PPFIBP2: variants seen among roughly 807,000 people sequenced by gnomAD.
PPFIBP2 encodes the protein PPFIB scaffold protein 2.
Under a neutral mutation model 118.3 loss-of-function variants are expected in PPFIBP2, and 118 were observed. The ratio of observed to expected loss-of-function variants is 1.00; its 90% CI spans 0.86 to 1.16. The LOEUF is 1.16. Among genes scored for constraint, PPFIBP2 ranks in the 50% most tolerant of loss-of-function variants. The pLI, the probability that PPFIBP2 is intolerant of heterozygous loss-of-function variation, is 0.00. For missense variants in PPFIBP2, 1,195 were observed against 1,073.1 expected, an observed-to-expected ratio of 1.11 and a Z score of -1.59; for synonymous variants, 414 against 397.4, an observed-to-expected ratio of 1.04 and a Z score of -0.50.
intron 1 of PPFIBP2, chr11:7,548,550 T>C (rs569631103): frequency 6.6e-6 from 1 of 152,330 alleles, no homozygotes; most frequent in African/African-American, 2.4e-5. Flanking sequence ...CCCTCCTTGC[T>C]ACCCAGGGAG....
intron 1 of PPFIBP2, among the ~76,000 whole-genome samples, chr11:7,542,011 G>A (rs1327581288): frequency 6.6e-6 from 1 of 152,158 alleles, no homozygotes; most frequent in Non-Finnish European, 1.5e-5. Flanking sequence ...CTCTTGCCGG[G>A]TTTCCTGTGT....
intron 4 of PPFIBP2, among the ~76,000 whole-genome samples, chr11:7,596,626 A>G (rs1860365955): frequency 6.6e-6 from 1 of 152,200 alleles, no homozygotes; most frequent in African/African-American, 2.4e-5. Flanking sequence ...CTATTATTCC[A>G]TTTCAGACTG....
At chr11:7,571,668 G>A (rs1268387147) in intron 3 of PPFIBP2, 1 of 152,200 alleles carries the variant, frequency 6.6e-6, no homozygotes, top group Non-Finnish European at 1.5e-5. Flanking sequence ...GCCTGTGTGA[G>A]CCGATTTCCA....
At chr11:7,666,571 A>G in the PPFIBP2 span, 27 of 1,575,826 alleles carry the variant, frequency 1.7e-5, no homozygotes, top group Non-Finnish European at 3.5e-6. Context: ...AGCAACACTG[A>G]AAAAGCCCCT....
At position 7,633,032 on chromosome 11, in the gene PPFIBP2, C is replaced by T. The variant is rs370174131; in HGVS notation, c.1136+98C>T. On this transcript the variant is annotated intron_variant, in intron 12 of 23. Coordinates refer to ENST00000299492, the MANE Select transcript of PPFIBP2 (RefSeq NM_003621.5). ...GATGACCGTGAATGGTGAGCATGGC[C>T]ACTGAGTCCTAGGTGCACCTGCCCC... is the stretch of plus-strand genomic sequence containing the variant. The T allele has an allele frequency of 1.3e-5, 14 of 1,105,636 alleles. No homozygotes were observed. The South Asian group carries it at 1.7e-4, about 14-fold the overall frequency. 68.5% of individuals were successfully genotyped at this position (1,105,636 alleles called of 1,614,324 possible).
intron 17 of PPFIBP2, among the ~76,000 whole-genome samples, chr11:7,646,120 GATGA>G (rs1349847042): frequency 6.6e-6 from 1 of 152,216 alleles, no homozygotes; most frequent in African/African-American, 2.4e-5. Flanking sequence ...GTTCATATAA[GATGA>G]ATGATATGAA....
intron 5 of PPFIBP2, chr11:7,605,915 G>A (rs1847282769): frequency 6.6e-7 from 1 of 1,521,438 alleles, no homozygotes; most frequent in South Asian, 1.2e-5. Flanking sequence ...AGCAAAGCCT[G>A]TTGGAGCTGA....
At chr11:7,635,113 G>A (rs1851284034) in intron 13 of PPFIBP2, among the ~76,000 whole-genome samples, 2 of 152,128 alleles carry the variant, frequency 1.3e-5, no homozygotes, top group Non-Finnish European at 2.9e-5. Context: ...ACCTCATGCT[G>A]CAGGGGACAG....
intron 1 of PPFIBP2, among the ~76,000 whole-genome samples, chr11:7,546,486 G>A (rs560046123): frequency 1.5e-4 from 23 of 152,246 alleles, no homozygotes; most frequent in East Asian, 1.4e-3. Context: ...CTTCTGTTGC[G>A]GGGGCACATA....
At chr11:7,666,991 T>C in the PPFIBP2 span, 1 of 153,588 alleles carries the variant, frequency 6.5e-6, no homozygotes, top group Admixed American at 6.5e-5. Flanking sequence ...CAGCACTGGA[T>C]ATGTGAAGGA....
chr11:7,619,942 G>A (rs10769811), intron 6 of PPFIBP2, among the ~76,000 whole-genome samples: 133,932 of 152,198 alleles, frequency 0.88, 59,324 homozygotes, highest in Non-Finnish European at 0.94. Flanking sequence ...GCCTATGGAA[G>A]TAATTATCTT....
chr11:7,549,914 C>T (rs78867384), intron 2 of PPFIBP2, among the ~76,000 whole-genome samples: 4,978 of 152,236 alleles, frequency 0.033, 225 homozygotes, highest in Admixed American at 0.11. Context: ...ACTTTGCCAC[C>T]TAATGCAGGT....
At chr11:7,524,793 C>T (rs149055026) in intron 1 of PPFIBP2, among the ~76,000 whole-genome samples, 4 of 152,040 alleles carry the variant, frequency 2.6e-5, no homozygotes, top group East Asian at 1.9e-4. Context: ...GGGTGGAGAT[C>T]GATTTGGGAT....
chr11:7,602,084 A>G (rs1049011521), intron 5 of PPFIBP2, among the ~76,000 whole-genome samples: 1 of 134,698 alleles, frequency 7.4e-6, no homozygotes, highest in Non-Finnish European at 1.6e-5. Context: ...CAAGAATGAA[A>G]CTCAAAAAAA....
intron 3 of PPFIBP2, among the ~76,000 whole-genome samples, chr11:7,572,204 GC>G (rs893017980): frequency 6.6e-6 from 1 of 152,012 alleles, no homozygotes; most frequent in African/African-American, 2.4e-5. Flanking sequence ...TAGTAGGTTG[GC>G]CCCTTCCATT....
chr11:7,534,261 C>T (rs1313114816), intron 1 of PPFIBP2, among the ~76,000 whole-genome samples: 1 of 152,112 alleles, frequency 6.6e-6, no homozygotes, highest in East Asian at 1.9e-4. Context: ...TTTGTGTTAG[C>T]CTGTTACTAT....
chr11:7,625,845 G>A lies in PPFIBP2; in HGVS notation c.780G>A (p.Gln260=). 6.2e-7 allele frequency: 1 copy of A among 1,614,236 alleles called. No homozygotes were observed. Among genetic ancestry groups the A allele is most frequent in the South Asian group, 1.1e-5 (1 of 91,082 alleles). ...KDAEIERLHS[Q]LSRTAALHSE... is the part of the protein sequence containing the mutation. ...CAGAAATTGAGCGTCTGCACAGCCA[G>A]CTCTCCCGGACAGCAGCTCTCCACA... The change falls in exon 8 of 24, where the codon CAG becomes CAA. Residue 260 remains glutamine, a synonymous_variant. Transcript: ENST00000299492.
At chr11:7,525,644 A>T (rs535685902) in intron 1 of PPFIBP2, among the ~76,000 whole-genome samples, 2 of 152,326 alleles carry the variant, frequency 1.3e-5, no homozygotes, top group East Asian at 3.9e-4. Flanking sequence ...CAGAGTCCAA[A>T]CCAGCTGGAT....
intron 3 of PPFIBP2, among the ~76,000 whole-genome samples, chr11:7,566,330 A>T (rs1290535336): frequency 1.3e-5 from 2 of 152,188 alleles, no homozygotes; most frequent in African/African-American, 4.8e-5. Context: ...TGGACAAAGA[A>T]TGCATTTCCC....
Sources: gnomAD v4.1 joint callset for allele counts (sites outside exome capture counted in the v4.1 genomes callset) on GRCh38, gnomAD v4.1.1 for gene constraint, MANE v1.5 for transcripts, NCBI Gene and HGNC (gene_info 2026-07-23, HGNC 2026-07-21) for gene names.